CRLF2: variants seen among roughly 807,000 people sequenced by gnomAD.
CRLF2 encodes cytokine receptor like factor 2, also known as cytokine receptor-like factor 2.
CRLF2 carries 41 observed loss-of-function variants against 38.7 expected under a neutral mutation model. That is an observed-to-expected ratio of 1.06 (90% CI 0.83 to 1.37). CRLF2 has a LOEUF of 1.37. Among genes scored for constraint, CRLF2 ranks in the 40% most tolerant of loss-of-function variants. CRLF2 has a pLI of 0.00. For missense variants in CRLF2, 377 were observed against 322.2 expected (o/e 1.17, Z -1.30); for synonymous variants, 140 against 128.8 (o/e 1.09, Z -0.59).
intron 1 of CRLF2, among the ~76,000 whole-genome samples, chrX:1,209,355 A>G (rs1471590733): frequency 6.5e-5 from 9 of 137,924 alleles, no homozygotes; most frequent in Non-Finnish European, 1.5e-4. Context: ...TGTGTGAGAC[A>G]GACTCTCACT....
intron 7 of CRLF2, among the ~76,000 whole-genome samples, chrX:1,192,694 TTTC>T (rs1202523166): frequency 4.7e-5 from 7 of 150,148 alleles, no homozygotes; most frequent in African/African-American, 1.7e-4. Flanking sequence ...TCTCTTTCTT[TTTC>T]TTTTCTTTTC....
intron 4 of CRLF2, among the ~76,000 whole-genome samples, chrX:1,201,698 ATACT>A (rs1331945889): frequency 2.0e-5 from 3 of 151,376 alleles, no homozygotes; most frequent in East Asian, 2.0e-4. Flanking sequence ...TAGATAGATG[ATACT>A]TAGATAGATA....
intron 5 of CRLF2, among the ~76,000 whole-genome samples, chrX:1,197,940 T>C (rs1361698670): frequency 2.0e-5 from 3 of 152,068 alleles, no homozygotes; most frequent in Non-Finnish European, 4.4e-5. Flanking sequence ...AGACAGATGT[T>C]GCAGGGAGCC....
intron 3 of CRLF2, among the ~76,000 whole-genome samples, chrX:1,203,722 C>T (rs2086647097): frequency 6.6e-6 from 1 of 152,124 alleles, no homozygotes; most frequent in Non-Finnish European, 1.5e-5. Flanking sequence ...GAATGCGGCT[C>T]TCAGAAATCT....
chrX:1,196,880 T>C lies in CRLF2; in HGVS notation c.667A>G (p.Thr223Ala). The C allele has an allele frequency of 1.2e-6, 2 of 1,613,568 alleles. No homozygotes were observed. Among genetic ancestry groups the C allele is most frequent in the Non-Finnish European group, 1.7e-6 (2 of 1,179,666 alleles). Residue 223 changes from threonine to alanine, a missense_variant, in exon 6 of 8, where the codon ACG (threonine) becomes GCG (alanine). Coordinates refer to ENST00000400841, the MANE Select transcript of CRLF2 (RefSeq NM_022148.4). Reference sequence around the variant, plus strand: ...TTGGACAGCTTTGGTTTGGGAGGCGTTGGTGTCTCTGCACAGGCATCTGAA... The same window carrying C: ...TTGGACAGCTTTGGTTTGGGAGGCGCTGGTGTCTCTGCACAGGCATCTGAA... The part of the protein sequence containing the change: ...EIRDACAETP[T>A]PPKPKLSKFI...
chrX:1,210,482 T>C (rs2086778259), intron 1 of CRLF2, among the ~76,000 whole-genome samples: 1 of 152,076 alleles, frequency 6.6e-6, no homozygotes, highest in African/African-American at 2.4e-5. Flanking sequence ...CCCGGCTGAT[T>C]TTTTGTATTA....
intron 6 of CRLF2, among the ~76,000 whole-genome samples, chrX:1,195,305 G>A (rs1330486306): frequency 6.6e-6 from 1 of 152,068 alleles, no homozygotes; most frequent in Non-Finnish European, 1.5e-5. Flanking sequence ...ACTCTCACTG[G>A]ATTCAAAGCC....
Position 1,195,282 on chromosome X carries a change from T to C in CRLF2, c.767+1498A>G, listed in dbSNP as rs1254253187. ...AGTTCTCTGTGGTCTGAAAGAATATTGTTTCGTCTAGAACTCTCACTGGAT... is the reference window on the plus strand; with the variant it reads ...AGTTCTCTGTGGTCTGAAAGAATATCGTTTCGTCTAGAACTCTCACTGGAT... On this transcript the variant is annotated intron_variant, in intron 6 of 7. Coordinates refer to ENST00000400841, the MANE Select transcript of CRLF2 (RefSeq NM_022148.4). 1.3e-5 allele frequency among the ~76,000 whole-genome samples: 2 copies of C among 152,122 alleles called. 1 individual carries two copies. Among genetic ancestry groups the C allele is most frequent in the Non-Finnish European group, 2.9e-5 (2 of 68,026 alleles).
intron 5 of CRLF2, 54 bp from the exon 6 acceptor site, chrX:1,196,954 C>T (rs1290740039): frequency 5.8e-5 from 89 of 1,542,420 alleles, no homozygotes; most frequent in African/African-American, 5.3e-4. Flanking sequence ...TGCGGCTGTA[C>T]GTTTTCAACG....
At chrX:1,201,526 G>GAGACAGATGATACAT (rs200004264) in intron 4 of CRLF2, among the ~76,000 whole-genome samples, 1 of 145,938 alleles carries the variant, frequency 6.9e-6, no homozygotes, top group African/African-American at 2.6e-5. Context: ...CGATGAGAGA[G>GAGACAGATGATACAT]AGATAGATGA....
At chrX:1,191,944 A>C (rs1258922401) in intron 7 of CRLF2, among the ~76,000 whole-genome samples, 1 of 151,492 alleles carries the variant, frequency 6.6e-6, no homozygotes, top group South Asian at 2.1e-4. Context: ...AGTGGCTTAC[A>C]CCTGTAATCC....
Position 1,196,735 on chromosome X carries a change from T to C in CRLF2, c.767+45A>G, listed in dbSNP as rs190994958. 4,024 of 1,605,366 alleles carry C rather than the reference T, an allele frequency of 2.5e-3. 9 individuals are homozygous for C. Among genetic ancestry groups the C allele is most frequent in the Non-Finnish European group, 3.1e-3 (3,654 of 1,176,236 alleles). ...CTTTTTTCGTACTTCACAGACATTG[T>C]GCAAGCAGGTCCCTCCACCCACGGG... On this transcript the variant is annotated intron_variant, in intron 6 of 7. Transcript: ENST00000400841.
intron 4 of CRLF2, 181 bp from the exon 5 acceptor site, chrX:1,198,905 T>C: frequency 3.1e-6 from 2 of 653,470 alleles, no homozygotes; most frequent in East Asian, 5.6e-5. Context: ...ACCCAACGCT[T>C]TGGGAGGCTG....
chrX:1,196,976 C>G lies in CRLF2; in HGVS notation c.647-76G>C. Reference sequence around the variant, plus strand: ...GTACGTTTTCAACGTGATGTTACATCTCATCCCTAACCAGTCTCCCTCATT... The same window carrying G: ...GTACGTTTTCAACGTGATGTTACATGTCATCCCTAACCAGTCTCCCTCATT... On this transcript the variant is annotated intron_variant, in intron 5 of 7. Transcript: ENST00000400841. 1.7e-5 allele frequency: 23 copies of G among 1,347,820 alleles called. No individual in the cohort carries two copies. The South Asian group carries it at 2.3e-4, about 14-fold the overall frequency. 83.5% of individuals were successfully genotyped at this position (1,347,820 alleles called of 1,614,324 possible). A position where few individuals can be genotyped will look rare whatever the true frequency, so the allele number is the denominator to read the frequency against.
At chrX:1,202,788 G>A (rs1324167946) in intron 3 of CRLF2, among the ~76,000 whole-genome samples, 4 of 151,884 alleles carry the variant, frequency 2.6e-5, no homozygotes, top group Non-Finnish European at 1.5e-5. Context: ...GCTAAATTAA[G>A]TCCCCCACAA....
chrX:1,209,453 TCCCGAGTAGCTGGGGCTACAGGTGC>T (rs1465763149), intron 1 of CRLF2, among the ~76,000 whole-genome samples: 4 of 151,724 alleles, frequency 2.6e-5, no homozygotes, highest in Non-Finnish European at 4.4e-5. Flanking sequence ...TGCCTCAGCC[TCCCGAGTAGCTGGGGCTACAGGTGC>T]CCGCCACCAT....
intron 2 of CRLF2, among the ~76,000 whole-genome samples, chrX:1,206,883 G>T (rs2086700126): frequency 6.6e-6 from 1 of 150,946 alleles, no homozygotes; most frequent in Admixed American, 6.6e-5. Context: ...GACCTCAGGT[G>T]ATCCATACAC....
At chrX:1,202,985 C>T (rs1163021723) in intron 3 of CRLF2, among the ~76,000 whole-genome samples, 1 of 150,584 alleles carries the variant, frequency 6.6e-6, no homozygotes, top group East Asian at 2.0e-4. Flanking sequence ...GTAATCCCAG[C>T]TATTAGTGAG....
At position 1,210,119 on chromosome X, in the gene CRLF2, AAGAAAAG is replaced by A. The variant is rs1403730387; in HGVS notation, c.80-1218_80-1212del. Among the ~76,000 whole-genome samples the A allele has an allele frequency of 2.3e-4, 11 of 48,200 alleles. 1 individual carries two copies. Among genetic ancestry groups the A allele is most frequent in the African/African-American group, 1.5e-3 (8 of 5,396 alleles). 31.6% of individuals were successfully genotyped at this position (48,200 alleles called of 152,430 possible). A position where few individuals can be genotyped will look rare whatever the true frequency, so the allele number is the denominator to read the frequency against. On this transcript the variant is annotated intron_variant, in intron 1 of 7. Coordinates refer to ENST00000400841, the MANE Select transcript of CRLF2 (RefSeq NM_022148.4). The stretch of plus-strand genomic sequence containing the variant: ...ACTCCCTATCAAAAAAAAAAAAGAA[AAGAAAAG>A]AAAAGAAAAGAAAAGAAAAGAAATG...
Sources: allele counts gnomAD v4.1 joint callset (sites outside exome capture counted in the v4.1 genomes callset), GRCh38; gene constraint gnomAD v4.1.1; transcripts MANE v1.5; gene names NCBI Gene and HGNC (gene_info 2026-07-23, HGNC 2026-07-21).